Variants in NELL1 observed in about 807,000 individuals in gnomAD.
NELL1 encodes the protein neural EGFL like 1.
A neutral mutation model predicts 107.4 loss-of-function variants in NELL1; 76 were observed. The ratio of observed to expected loss-of-function variants is 0.71; its 90% CI spans 0.59 to 0.86. NELL1 has a LOEUF of 0.86. NELL1 is among the 40% of genes least tolerant of loss of function. NELL1 has a pLI of 0.00. For synonymous variants in NELL1, 353 were observed against 341.2 expected, an observed-to-expected ratio of 1.03 and a Z score of -0.38; for missense variants, 1,024 against 1,005.5, an observed-to-expected ratio of 1.02 and a Z score of -0.25.
intron 15 of NELL1, among the ~76,000 whole-genome samples, chr11:21,492,090 G>A (rs1437037598): frequency 6.6e-6 from 1 of 152,094 alleles, no homozygotes; most frequent in African/African-American, 2.4e-5. Flanking sequence ...TGAAGGAAAT[G>A]AACAGACACT....
chr11:20,749,429 T>C (rs1022572092), intron 2 of NELL1, among the ~76,000 whole-genome samples: 2 of 151,742 alleles, frequency 1.3e-5, no homozygotes, highest in Non-Finnish European at 2.9e-5. Context: ...TGAGACCTCA[T>C]CTCTACAAAA....
At position 20,977,784 on chromosome 11, in the gene NELL1, G is replaced by A. The variant is rs548600520; in HGVS notation, c.1300+17224G>A. Among the ~76,000 whole-genome samples, 3 of 152,294 alleles carry A rather than the reference G, an allele frequency of 2.0e-5. No individual in the cohort carries two copies. In the South Asian group the frequency reaches 6.2e-4, roughly 32 times the overall value. Reference sequence around the variant, plus strand: ...CAGCTACTTGGTAAATAATTGTTGAGTGCATAAGTGAATAAATAAATCCTA... The same window carrying A: ...CAGCTACTTGGTAAATAATTGTTGAATGCATAAGTGAATAAATAAATCCTA... On this transcript the variant is annotated intron_variant, in intron 12 of 19. Transcript: ENST00000357134.
chr11:20,676,562 T>C (rs1045121710), intron 1 of NELL1, among the ~76,000 whole-genome samples: 1 of 152,238 alleles, frequency 6.6e-6, no homozygotes, highest in African/African-American at 2.4e-5. Flanking sequence ...ATAGACATTT[T>C]GTCTGCCTTG....
intron 12 of NELL1, among the ~76,000 whole-genome samples, chr11:20,983,876 C>T (rs1851798641): frequency 6.6e-6 from 1 of 152,096 alleles, no homozygotes; most frequent in Non-Finnish European, 1.5e-5. Context: ...TATCACAGAC[C>T]ACAGGAACCT....
In NELL1 at chr11:21,560,173, G is replaced by T. The variant is rs202151746; in HGVS notation, c.1787-16G>T. ...CCTTGGCTAGATTCTAAGCTTCTGT[G>T]CTTCCTATATTGCAGACATTGATGA... On this transcript the variant is annotated splice_polypyrimidine_tract_variant and intron_variant, in intron 16 of 19. Transcript: ENST00000357134. 54 of 1,612,568 alleles carry T rather than the reference G, an allele frequency of 3.3e-5. No homozygotes were observed. The highest frequency in any genetic ancestry group is 1.7e-4 in the Middle Eastern group (1 of 6,054).
chr11:20,669,615 C>T lies in NELL1; in HGVS notation c.-109C>T, dbSNP rs1853841847. The T allele has an allele frequency of 1.1e-6, 1 of 921,602 alleles. No homozygotes were observed. Among genetic ancestry groups the T allele is most frequent in the Non-Finnish European group, 1.7e-6 (1 of 588,864 alleles). 57.1% of individuals were successfully genotyped at this position (921,602 alleles called of 1,614,324 possible). Reference sequence around the variant, plus strand: ...GGCGCTGCCGAGCCACCTCCCCCGCCGCCCGCTAGCAAGTTTGGCGGCTCC... The same window carrying T: ...GGCGCTGCCGAGCCACCTCCCCCGCTGCCCGCTAGCAAGTTTGGCGGCTCC... On this transcript the variant is annotated 5_prime_UTR_variant, in exon 1 of 20. Coordinates refer to ENST00000357134, the MANE Select transcript of NELL1 (RefSeq NM_006157.5). The surrounding 1 kb of genome is among the most constrained non-coding windows in gnomAD (Gnocchi z 4.4).
chr11:21,241,195 C>T (rs1372501506), intron 14 of NELL1, among the ~76,000 whole-genome samples: 10 of 152,032 alleles, frequency 6.6e-5, no homozygotes, highest in Admixed American at 1.3e-4. Context: ...GGAAACATTA[C>T]TGAAATATTT....
chr11:21,206,163 G>T (rs570301003), intron 13 of NELL1, among the ~76,000 whole-genome samples: 1 of 151,974 alleles, frequency 6.6e-6, no homozygotes, highest in Non-Finnish European at 1.5e-5. Context: ...AAAATTAAGG[G>T]GTCAACAGGT....
At chr11:21,442,876 C>T (rs896255198) in intron 15 of NELL1, among the ~76,000 whole-genome samples, 1 of 150,484 alleles carries the variant, frequency 6.6e-6, no homozygotes, top group African/African-American at 2.4e-5. Context: ...ATTTGAGACC[C>T]TGAGATGGAA....
At chr11:20,938,908 G>GTCTCTCTCTCTCTGTCTC (rs1850783402) in intron 10 of NELL1, among the ~76,000 whole-genome samples, 1 of 144,540 alleles carries the variant, frequency 6.9e-6, no homozygotes, top group African/African-American at 2.6e-5. Flanking sequence ...TTCTCTCTCT[G>GTCTCTCTCTCTCTGTCTC]TCTCTCTCTC....
chr11:21,301,155 T>A (rs1427481912), intron 14 of NELL1, among the ~76,000 whole-genome samples: 1 of 152,204 alleles, frequency 6.6e-6, no homozygotes, highest in Non-Finnish European at 1.5e-5. Context: ...TGATGGACAT[T>A]TGAGTTGGTT....
chr11:21,236,055 C>A (rs1858198631), intron 14 of NELL1, among the ~76,000 whole-genome samples: 3 of 152,006 alleles, frequency 2.0e-5, no homozygotes, highest in Admixed American at 2.0e-4. Flanking sequence ...CAGACCAGGC[C>A]AGATGGATGA....
At chr11:21,293,111 A>G (rs571256108) in intron 14 of NELL1, among the ~76,000 whole-genome samples, 1 of 152,324 alleles carries the variant, frequency 6.6e-6, no homozygotes, top group East Asian at 1.9e-4. Context: ...TCTGCACAGC[A>G]TAAGAAACTA....
chr11:21,151,283 G>T (rs1463105135), intron 13 of NELL1, among the ~76,000 whole-genome samples: 2 of 152,094 alleles, frequency 1.3e-5, no homozygotes, highest in Admixed American at 6.6e-5. Flanking sequence ...CATCATTTCT[G>T]CATGTCTTTG....
At chr11:21,376,205 T>C (rs1278809893) in intron 15 of NELL1, among the ~76,000 whole-genome samples, 1 of 152,128 alleles carries the variant, frequency 6.6e-6, no homozygotes, top group Non-Finnish European at 1.5e-5. Context: ...CTTTAATCCA[T>C]CTTGAGTTAA....
chr11:20,795,663 T>C (rs1857155187), intron 3 of NELL1, among the ~76,000 whole-genome samples: 1 of 152,206 alleles, frequency 6.6e-6, no homozygotes, highest in Admixed American at 6.5e-5. Flanking sequence ...TAGATAAAAT[T>C]AAGTTGAAGC....
At chr11:21,205,782 A>G (rs1160238813) in intron 13 of NELL1, among the ~76,000 whole-genome samples, 1 of 152,130 alleles carries the variant, frequency 6.6e-6, no homozygotes, top group Non-Finnish European at 1.5e-5. Context: ...ATATGGGGAA[A>G]TGGGGGCTCA....
At chr11:20,964,532 G>A (rs563102763) in intron 12 of NELL1, among the ~76,000 whole-genome samples, 18 of 152,238 alleles carry the variant, frequency 1.2e-4, no homozygotes, top group African/African-American at 4.1e-4. Flanking sequence ...TGCGGCATTG[G>A]CCACATTAAC....
At position 21,288,893 on chromosome 11, in the gene NELL1, C is replaced by T. The variant is rs575210764; in HGVS notation, c.1549+59439C>T. ...CCTCCATTTTTCTCCACCTGGTTGTCGTATGTGGTATGTGGTATTTTGATC... is the reference window on the plus strand; with the variant it reads ...CCTCCATTTTTCTCCACCTGGTTGTTGTATGTGGTATGTGGTATTTTGATC... On this transcript the variant is annotated intron_variant, in intron 14 of 19. Transcript: ENST00000357134. Among the ~76,000 whole-genome samples, 58 of 152,186 alleles carry T rather than the reference C, an allele frequency of 3.8e-4. 4 individuals carry two copies. Among genetic ancestry groups the T allele is most frequent in the African/African-American group, 1.1e-3 (46 of 41,518 alleles).
Sources: allele counts gnomAD v4.1 joint callset (sites outside exome capture counted in the v4.1 genomes callset), GRCh38; gene constraint gnomAD v4.1.1; non-coding constraint Gnocchi (gnomAD v3.1); transcripts MANE v1.5; gene names NCBI Gene and HGNC (gene_info 2026-07-23, HGNC 2026-07-21).